SLC22A3: variants seen among roughly 807,000 people sequenced by gnomAD.
SLC22A3 encodes solute carrier family 22 member 3.
Under a neutral mutation model 59.1 loss-of-function variants are expected in SLC22A3, and 51 were observed. The ratio of observed to expected loss-of-function variants is 0.86; its 90% CI spans 0.69 to 1.09. SLC22A3 has a LOEUF of 1.09. Ranked by LOEUF, SLC22A3 falls within the 50% of genes least tolerant of loss-of-function variation. The pLI is 0.00. For missense variants in SLC22A3, 711 were observed against 726.3 expected (o/e 0.98, Z 0.24); for synonymous variants, 325 against 292.0 (o/e 1.11, Z -1.15).
At chr6:160,373,186 T>G (rs1047010566) in intron 1 of SLC22A3, among the ~76,000 whole-genome samples, 29 of 152,210 alleles carry the variant, frequency 1.9e-4, no homozygotes, top group African/African-American at 6.8e-4. Flanking sequence ...AGATGGCGTT[T>G]CTGTGTAGAT....
Position 160,408,911 on chromosome 6 carries a change from C to A in SLC22A3, c.847C>A (p.Leu283Ile), listed in dbSNP as rs760415667. Residue 283 changes from leucine to isoleucine, a missense_variant, in exon 4 of 11, where the codon CTT becomes ATT. By Grantham distance (5) the Leu-to-Ile change is conservative. Coordinates refer to ENST00000275300, the MANE Select transcript of SLC22A3 (RefSeq NM_021977.4). ...AITLPSFLFLLYYWVVPESPR... is the reference protein window; with the variant it reads ...AITLPSFLFLIYYWVVPESPR... ...CACGCTGCCCAGCTTTCTCTTCCTC[C>A]TTTATTACTGGTAATGTGGTTTTGG... 9 of 1,613,130 alleles carry A rather than the reference C, an allele frequency of 5.6e-6. No homozygotes were observed. The highest frequency in any genetic ancestry group is 7.6e-6 in the Non-Finnish European group (9 of 1,179,690).
intron 5 of SLC22A3, among the ~76,000 whole-genome samples, chr6:160,412,813 G>GT (rs1409195924): frequency 6.6e-6 from 1 of 152,054 alleles, no homozygotes; most frequent in Admixed American, 6.6e-5. Context: ...TAGTCCAGAG[G>GT]TAAGTCCAAG....
In SLC22A3 at chr6:160,408,870, G is replaced by A. The variant is rs147863404; in HGVS notation, c.806G>A (p.Gly269Glu). Reference protein sequence around the residue: ...GIAYFIPNWQGIQLAITLPSF... With the variant: ...GIAYFIPNWQEIQLAITLPSF... Reference sequence around the variant, plus strand: ...GCCTACTTCATCCCCAACTGGCAAGGAATCCAGTTAGCCATCACGCTGCCC... The same window carrying A: ...GCCTACTTCATCCCCAACTGGCAAGAAATCCAGTTAGCCATCACGCTGCCC... The change falls in exon 4 of 11, where the codon GGA (glycine) becomes GAA (glutamate). Residue 269 changes from glycine (G) to glutamate (E), a missense_variant. By Grantham distance (98) the Gly-to-Glu change is moderately conservative. Coordinates refer to ENST00000275300, the MANE Select transcript of SLC22A3 (RefSeq NM_021977.4). The A allele has an allele frequency of 1.2e-6, 2 of 1,613,630 alleles. No homozygotes were observed. The highest frequency in any genetic ancestry group is 2.7e-5 in the African/African-American group (2 of 74,854).
intron 1 of SLC22A3, among the ~76,000 whole-genome samples, chr6:160,350,290 C>T (rs772394740): frequency 1.3e-5 from 2 of 152,030 alleles, no homozygotes; most frequent in African/African-American, 2.4e-5. Flanking sequence ...CAAGTGTGTT[C>T]GCACACTGAG....
At chr6:160,403,063 C>A (rs569129396) in intron 2 of SLC22A3, among the ~76,000 whole-genome samples, 1 of 149,516 alleles carries the variant, frequency 6.7e-6, no homozygotes, top group Non-Finnish European at 1.5e-5. Flanking sequence ...AAATTAGAAA[C>A]AGGAAATCAA....
chr6:160,451,352 T>C lies in SLC22A3; in HGVS notation c.*296T>C, dbSNP rs1383287105. On this transcript the variant is annotated 3_prime_UTR_variant, in exon 11 of 11. Transcript: ENST00000275300. ...GTGTTCCCTGTGGTCTCTGACCCAT[T>C]AGGCTAAAGAGAGACAAGAGAAGCC... 1 of 377,314 alleles carries C rather than the reference T, an allele frequency of 2.7e-6. No homozygotes were observed. The highest frequency in any genetic ancestry group is 5.4e-5 in the East Asian group (1 of 18,640). 23.4% of individuals were successfully genotyped at this position (377,314 alleles called of 1,614,324 possible).
chr6:160,349,880 CT>C (rs926645696), intron 1 of SLC22A3, among the ~76,000 whole-genome samples: 8 of 152,230 alleles, frequency 5.3e-5, no homozygotes, highest in South Asian at 2.1e-4. Flanking sequence ...AAAGGTTTGT[CT>C]TTTTTTTGTG....
chr6:160,355,565 T>G (rs571103382), intron 1 of SLC22A3, among the ~76,000 whole-genome samples: 80 of 150,164 alleles, frequency 5.3e-4, no homozygotes, highest in Non-Finnish European at 9.2e-4. Context: ...ATCGAGACCA[T>G]CCTGGCTAAC....
intron 1 of SLC22A3, among the ~76,000 whole-genome samples, chr6:160,386,982 CAGG>C (rs1357071710): frequency 6.6e-6 from 1 of 152,208 alleles, no homozygotes; most frequent in Non-Finnish European, 1.5e-5. Flanking sequence ...CCAAGCACTG[CAGG>C]AGGAGTCCTC....
intron 9 of SLC22A3, 93 bp downstream of exon 9, chr6:160,443,835 G>A: frequency 1.7e-6 from 1 of 571,670 alleles, no homozygotes; most frequent in Non-Finnish European, 3.0e-6. Flanking sequence ...TAATGATAAT[G>A]ATAGTCATTT....
chr6:160,380,516 A>G (rs994980294), intron 1 of SLC22A3, among the ~76,000 whole-genome samples: 183 of 152,304 alleles, frequency 1.2e-3, no homozygotes, highest in African/African-American at 4.1e-3. Flanking sequence ...CAACTAAAAT[A>G]CTAAGAGAAC....
chr6:160,410,966 A>ATATG, intron 5 of SLC22A3, 120 bp downstream of exon 5: 1 of 538,962 alleles, frequency 1.9e-6, no homozygotes, highest in Non-Finnish European at 3.4e-6. Flanking sequence ...TTATATATAT[A>ATATG]TATGTATGTA....
At chr6:160,371,118 A>G (rs887869170) in intron 1 of SLC22A3, among the ~76,000 whole-genome samples, 9 of 152,200 alleles carry the variant, frequency 5.9e-5, no homozygotes, top group Non-Finnish European at 7.3e-5. Flanking sequence ...ACCAAACCCC[A>G]GTCTCTGTAG....
chr6:160,399,647 A>T (rs1786677315), intron 2 of SLC22A3, among the ~76,000 whole-genome samples: 1 of 152,192 alleles, frequency 6.6e-6, no homozygotes, highest in Non-Finnish European at 1.5e-5. Flanking sequence ...TATGTGAAGG[A>T]AGAACAAGAA....
intron 5 of SLC22A3, among the ~76,000 whole-genome samples, chr6:160,417,311 G>C (rs57259143): frequency 0.014 from 2,108 of 152,242 alleles, 57 homozygotes; most frequent in African/African-American, 0.048. Context: ...CTTCAGGGTG[G>C]GTCTCAGAAG....
intron 1 of SLC22A3, among the ~76,000 whole-genome samples, chr6:160,392,456 C>T (rs1228339059): frequency 3.3e-5 from 5 of 152,170 alleles, no homozygotes; most frequent in Non-Finnish European, 7.3e-5. Context: ...ACCTTGGCTC[C>T]CAAACTATAT....
At chr6:160,402,492 C>A (rs888975501) in intron 2 of SLC22A3, among the ~76,000 whole-genome samples, 2 of 151,786 alleles carry the variant, frequency 1.3e-5, no homozygotes, top group South Asian at 4.1e-4. Context: ...AGGTAAAAAA[C>A]CTATAAAGAT....
chr6:160,444,261 C>T (rs1214710486), intron 9 of SLC22A3, among the ~76,000 whole-genome samples: 2 of 152,080 alleles, frequency 1.3e-5, no homozygotes, highest in African/African-American at 4.8e-5. Context: ...GTCCAAGCTA[C>T]TCAGGATGCT....
chr6:160,375,758 G>T (rs989720639), intron 1 of SLC22A3, among the ~76,000 whole-genome samples: 3 of 152,034 alleles, frequency 2.0e-5, no homozygotes, highest in African/African-American at 7.2e-5. Flanking sequence ...ATGATCTCTT[G>T]AGCCTGCTTA....
Sources: allele counts gnomAD v4.1 joint callset (sites outside exome capture counted in the v4.1 genomes callset), GRCh38; gene constraint gnomAD v4.1.1; transcripts MANE v1.5; gene names NCBI Gene and HGNC (gene_info 2026-07-23, HGNC 2026-07-21).